Variants in KIF6 observed in about 807,000 individuals in gnomAD.
The protein encoded by KIF6 is kinesin-like protein KIF6.
KIF6 carries 106 observed loss-of-function variants against 112.7 expected under a neutral mutation model. The ratio of observed to expected loss-of-function variants is 0.94; its 90% confidence interval spans 0.80 to 1.11. The LOEUF (loss-of-function observed/expected upper bound fraction) is 1.11. Ranked by LOEUF, KIF6 falls within the 50% of genes least tolerant of loss-of-function variation. The probability of loss-of-function intolerance (pLI) is 0.00; values close to 1 mark genes in which losing one functional copy is unlikely to be tolerated. For missense variants in KIF6, 929 were observed against 964.0 expected (o/e 0.96, Z 0.48); for synonymous variants, 339 against 339.9 (o/e 1.00, Z 0.03).
At chr6:39,588,927 C>T (rs766636809) in intron 7 of KIF6, among the ~76,000 whole-genome samples, 1 of 152,194 alleles carries the variant, frequency 6.6e-6, no homozygotes. Context: ...TACTTTTGCC[C>T]TTCCACGATC....
At chr6:39,350,187 G>A (rs760625306) in intron 19 of KIF6, among the ~76,000 whole-genome samples, 4 of 152,162 alleles carry the variant, frequency 2.6e-5, no homozygotes, top group Non-Finnish European at 5.9e-5. Flanking sequence ...TGGACACATT[G>A]GAAGAGCGGA....
intron 22 of KIF6, among the ~76,000 whole-genome samples, chr6:39,337,237 T>TTCTTTCTTTCTTTCTTTTTC (rs548889510): frequency 2.4e-5 from 1 of 41,690 alleles, no homozygotes; most frequent in Non-Finnish European, 5.1e-5. Context: ...CTTTCTTTCT[T>TTCTTTCTTTCTTTCTTTTTC]TTTCTTTCTT....
At chr6:39,543,138 A>G (rs1582095400) in intron 12 of KIF6, among the ~76,000 whole-genome samples, 1 of 152,206 alleles carries the variant, frequency 6.6e-6, no homozygotes, top group Non-Finnish European at 1.5e-5. Flanking sequence ...CATCCCTCCT[A>G]TATGCACAGA....
At chr6:39,552,027 A>G (rs1317501968) in intron 10 of KIF6, among the ~76,000 whole-genome samples, 1 of 152,222 alleles carries the variant, frequency 6.6e-6, no homozygotes, top group African/African-American at 2.4e-5. Context: ...CCTGAGTCAG[A>G]ATCTACATTT....
intron 3 of KIF6, among the ~76,000 whole-genome samples, chr6:39,641,455 GAC>G (rs964651701): frequency 1.4e-4 from 22 of 151,728 alleles, no homozygotes; most frequent in African/African-American, 4.8e-4. Flanking sequence ...AGAACACATG[GAC>G]ACAGGAAGGG....
chr6:39,604,987 A>G (rs1346678783), intron 6 of KIF6, among the ~76,000 whole-genome samples: 2 of 152,164 alleles, frequency 1.3e-5, no homozygotes, highest in Non-Finnish European at 2.9e-5. Context: ...AGTCAAACAC[A>G]TTTATATCAA....
chr6:39,637,510 T>G (rs1441012878), intron 4 of KIF6, among the ~76,000 whole-genome samples: 2 of 151,988 alleles, frequency 1.3e-5, no homozygotes, highest in Non-Finnish European at 2.9e-5. Context: ...TCTCTTAAAA[T>G]CAGTGAAAAT....
At chr6:39,607,947 A>G (rs566726724) in intron 6 of KIF6, among the ~76,000 whole-genome samples, 1 of 150,984 alleles carries the variant, frequency 6.6e-6, no homozygotes, top group South Asian at 2.1e-4. Flanking sequence ...CACACATCCC[A>G]CAAGGAGATT....
intron 1 of KIF6, 144 bp downstream of exon 1, chr6:39,725,101 C>T (rs1790458857): frequency 3.4e-6 from 2 of 592,716 alleles, no homozygotes; most frequent in Admixed American, 8.2e-5. Context: ...TGCAGGGCTC[C>T]TCGGTCAGTG....
chr6:39,724,305 T>A (rs1790402773), intron 1 of KIF6, among the ~76,000 whole-genome samples: 1 of 152,008 alleles, frequency 6.6e-6, no homozygotes, highest in African/African-American at 2.4e-5. Flanking sequence ...CACAAAAAAT[T>A]AACCGGGCGT....
chr6:39,337,325 T>C (rs970898176), intron 22 of KIF6, among the ~76,000 whole-genome samples: 1 of 148,884 alleles, frequency 6.7e-6, no homozygotes, highest in Non-Finnish European at 1.5e-5. Context: ...TTCTTTCTTT[T>C]CTTTCTGGAC....
chr6:39,563,853 C>T (rs1300787044), intron 10 of KIF6, among the ~76,000 whole-genome samples: 1 of 152,212 alleles, frequency 6.6e-6, no homozygotes, highest in Non-Finnish European at 1.5e-5. Context: ...AACTCAGGGT[C>T]TCATCGCCTT....
rs137953360 is a variant in KIF6 at position 39,359,238 on chromosome 6, G to A, written c.2082+1157C>T. Among the ~76,000 whole-genome samples, 48 of 152,254 alleles carry A rather than the reference G, an allele frequency of 3.2e-4. No individual in the cohort carries two copies. In the East Asian group the frequency reaches 8.1e-3, roughly 26 times the overall value. On this transcript the variant is annotated intron_variant, in intron 18 of 22. Transcript: ENST00000287152. ...AGCCAGAAAAGGGATCTGATTGTGC[G>A]TATTTTAGCACTTCCGCTGTGCCAC...
intron 3 of KIF6, among the ~76,000 whole-genome samples, chr6:39,651,934 T>C (rs1785493343): frequency 6.6e-6 from 1 of 152,126 alleles, no homozygotes; most frequent in Admixed American, 6.5e-5. Context: ...CAGAAAAGAC[T>C]GTTCAGCTAA....
In KIF6 at chr6:39,570,818, C is replaced by T. The variant is rs1457676628; in HGVS notation, c.1181+7238G>A. ...GCTTTCTGCCATGATTGTAAGTTTC[C>T]TGAGGACTTCCAAGCCATGCTAAAC... On this transcript the variant is annotated intron_variant, in intron 10 of 22. Transcript: ENST00000287152. Among the ~76,000 whole-genome samples, 4 of 152,154 alleles carry T rather than the reference C, an allele frequency of 2.6e-5. No individual in the cohort carries two copies. The East Asian group carries it at 7.7e-4, about 29-fold the overall frequency.
At chr6:39,656,162 T>C (rs748958224) in intron 3 of KIF6, among the ~76,000 whole-genome samples, 2 of 152,180 alleles carry the variant, frequency 1.3e-5, no homozygotes, top group African/African-American at 2.4e-5. Context: ...ACAGGGTGTG[T>C]GTATGTGTGT....
intron 15 of KIF6, among the ~76,000 whole-genome samples, chr6:39,405,650 T>C (rs2150345492): frequency 6.6e-6 from 1 of 152,306 alleles, no homozygotes; most frequent in Middle Eastern, 3.4e-3. Flanking sequence ...TAGTCTATAG[T>C]TTTCTTGTGA....
intron 15 of KIF6, among the ~76,000 whole-genome samples, chr6:39,404,627 T>G (rs1768954130): frequency 6.6e-6 from 1 of 152,174 alleles, no homozygotes; most frequent in African/African-American, 2.4e-5. Context: ...TATTCTTCTC[T>G]TATAAAATTA....
intron 3 of KIF6, among the ~76,000 whole-genome samples, chr6:39,653,237 A>G (rs1459476): frequency 0.042 from 6,386 of 152,256 alleles, 395 homozygotes; most frequent in African/African-American, 0.14. Context: ...CATTAATTAC[A>G]TAGCACAATC....
Sources: gnomAD v4.1 joint callset for allele counts (sites outside exome capture counted in the v4.1 genomes callset) on GRCh38, gnomAD v4.1.1 for gene constraint, MANE v1.5 for transcripts, NCBI Gene and HGNC (gene_info 2026-07-23, HGNC 2026-07-21) for gene names.